The following ARK2N variants were observed in gnomAD, a reference collection of about 807,000 sequenced individuals.
ARK2N encodes protein ARK2N.
At chr18:46,208,599 A>G in the ARK2N span, among the ~76,000 whole-genome samples, 1 of 150,144 alleles carries the variant, frequency 6.7e-6, no homozygotes, top group Non-Finnish European at 1.5e-5. Flanking sequence ...CCCCCCGAGT[A>G]GCTGGGATTA....
the ARK2N span, among the ~76,000 whole-genome samples, chr18:46,259,902 A>T: frequency 1.5e-4 from 3 of 19,698 alleles, no homozygotes; most frequent in East Asian, 9.2e-4. Context: ...TGTGTGTGCG[A>T]CAGAGATGGG....
chr18:46,259,347 G>A, the ARK2N span, among the ~76,000 whole-genome samples: 2 of 149,574 alleles, frequency 1.3e-5, no homozygotes, highest in East Asian at 2.0e-4. Context: ...GGGTTCAAGC[G>A]ATTCTCCTGC....
At chr18:46,265,875 T>TAA in the ARK2N span, 1 of 152,538 alleles carries the variant, frequency 6.6e-6, no homozygotes, top group African/African-American at 2.4e-5. Context: ...ATCTCTCTGC[T>TAA]AAAATGGTAC....
the ARK2N span, chr18:46,215,838 C>A: frequency 6.5e-7 from 1 of 1,546,654 alleles, no homozygotes; most frequent in South Asian, 1.2e-5. Context: ...TCTTTGATAT[C>A]ATTTCCTAGA....
the ARK2N span, among the ~76,000 whole-genome samples, chr18:46,252,226 C>T: frequency 6.6e-6 from 1 of 151,420 alleles, no homozygotes; most frequent in Admixed American, 6.6e-5. Flanking sequence ...TCTCAATAAC[C>T]TTGAAGCATT....
the ARK2N span, among the ~76,000 whole-genome samples, chr18:46,219,934 A>G: frequency 6.6e-6 from 1 of 152,202 alleles, no homozygotes; most frequent in Non-Finnish European, 1.5e-5. Context: ...TTTAATGTAA[A>G]TAATGGACAT....
chr18:46,182,075 T>G, the ARK2N span, among the ~76,000 whole-genome samples: 33 of 152,280 alleles, frequency 2.2e-4, no homozygotes, highest in Non-Finnish European at 2.2e-4. Context: ...AGAAAGGTAT[T>G]GTCGGGGATA....
the ARK2N span, among the ~76,000 whole-genome samples, chr18:46,225,803 T>C: frequency 6.6e-6 from 1 of 152,292 alleles, no homozygotes; most frequent in East Asian, 1.9e-4. Context: ...GTTTCTTTTT[T>C]AAAAATTAGG....
the ARK2N span, among the ~76,000 whole-genome samples, chr18:46,239,504 T>TA: frequency 6.6e-6 from 1 of 152,264 alleles, no homozygotes; most frequent in Non-Finnish European, 1.5e-5. Flanking sequence ...AGAGCTCTAG[T>TA]GTTAACCTTA....
At chr18:46,244,601 A>ACTTTTTTTTT in the ARK2N span, among the ~76,000 whole-genome samples, 3 of 93,860 alleles carry the variant, frequency 3.2e-5, no homozygotes, top group Non-Finnish European at 6.0e-5. Context: ...AAGAGTTTAG[A>ACTTTTTTTTT]TTTTTTTTTT....
At chr18:46,236,458 T>G in the ARK2N span, among the ~76,000 whole-genome samples, 2 of 152,202 alleles carry the variant, frequency 1.3e-5, no homozygotes, top group Non-Finnish European at 2.9e-5. Context: ...TGTGTTACAT[T>G]TACCTCTAGA....
chr18:46,236,075 G>A, the ARK2N span, among the ~76,000 whole-genome samples: 1 of 152,190 alleles, frequency 6.6e-6, no homozygotes, highest in East Asian at 1.9e-4. Context: ...GAAGCTTAGT[G>A]AGACAGTACA....
the ARK2N span, among the ~76,000 whole-genome samples, chr18:46,196,504 A>G: frequency 2.6e-5 from 4 of 151,204 alleles, no homozygotes; most frequent in Admixed American, 6.6e-5. Flanking sequence ...CTCGTGATCC[A>G]CCCGCCTCGG....
the ARK2N span, among the ~76,000 whole-genome samples, chr18:46,198,050 C>A: frequency 1.3e-5 from 2 of 151,806 alleles, no homozygotes; most frequent in Non-Finnish European, 2.9e-5. Flanking sequence ...GCCTATAATC[C>A]CAGCACTGTG....
At chr18:46,191,943 C>G in the ARK2N span, among the ~76,000 whole-genome samples, 1 of 152,138 alleles carries the variant, frequency 6.6e-6, no homozygotes, top group Non-Finnish European at 1.5e-5. Context: ...GGTTTCTTCA[C>G]TTTGTGATAG....
chr18:46,179,840 G>T, the ARK2N span, among the ~76,000 whole-genome samples: 3 of 152,016 alleles, frequency 2.0e-5, no homozygotes, highest in African/African-American at 7.2e-5. Flanking sequence ...AGTCAGGCTG[G>T]TCTCAAACTC....
chr18:46,199,695 G>A, the ARK2N span, among the ~76,000 whole-genome samples: 1 of 152,016 alleles, frequency 6.6e-6, no homozygotes, highest in East Asian at 1.9e-4. Flanking sequence ...ATACATTGTT[G>A]CTTATCTGTT....
chr18:46,219,383 A>G, the ARK2N span: 1 of 152,074 alleles, frequency 6.6e-6, no homozygotes, highest in Admixed American at 6.5e-5. Context: ...AGGGCATTTT[A>G]TAGTAAATTT....
the ARK2N span, among the ~76,000 whole-genome samples, chr18:46,177,500 T>C: frequency 6.7e-6 from 1 of 149,440 alleles, no homozygotes; most frequent in Non-Finnish European, 1.5e-5. Context: ...GGCGCGGTCT[T>C]GGCTCACTGC....
Sources: allele counts gnomAD v4.1 joint callset (sites outside exome capture counted in the v4.1 genomes callset), GRCh38; gene constraint gnomAD v4.1.1; transcripts MANE v1.5; gene names NCBI Gene and HGNC (gene_info 2026-07-23, HGNC 2026-07-21).